The following KIAA1217 variants were observed in gnomAD, a reference collection of about 807,000 sequenced individuals.
KIAA1217 encodes the protein sickle tail protein homolog.
KIAA1217 carries 88 observed loss-of-function variants against 163.9 expected under a neutral mutation model. That is an observed-to-expected ratio of 0.54 (90% confidence interval 0.45 to 0.64). The LOEUF is 0.64. Ranked by LOEUF, KIAA1217 falls within the 30% of genes least tolerant of loss-of-function variation. KIAA1217 has a pLI of 0.00. For synonymous variants in KIAA1217, 903 were observed against 923.1 expected, an observed-to-expected ratio of 0.98 and a Z score of 0.39; for missense variants, 2,372 against 2,475.0, an observed-to-expected ratio of 0.96 and a Z score of 0.88.
chr10:24,121,920 G>A (rs2063296074), intron 2 of KIAA1217, among the ~76,000 whole-genome samples: 1 of 152,248 alleles, frequency 6.6e-6, no homozygotes, highest in East Asian at 1.9e-4. Context: ...GGGTATGGGG[G>A]TGGGTGTGTT....
intron 3 of KIAA1217, 37 bp downstream of exon 3, chr10:24,381,104 T>C: frequency 6.9e-7 from 1 of 1,453,578 alleles, no homozygotes; most frequent in Non-Finnish European, 9.2e-7. Context: ...GCCCCTTTCT[T>C]ACTGAATGCG....
chr10:23,870,537 G>A (rs1288738173), intron 1 of KIAA1217, among the ~76,000 whole-genome samples: 1 of 152,072 alleles, frequency 6.6e-6, no homozygotes, highest in Non-Finnish European at 1.5e-5. Context: ...AGCCAGGGTC[G>A]TGGGGACTTA....
At chr10:23,982,844 A>G (rs890510375) in intron 1 of KIAA1217, among the ~76,000 whole-genome samples, 6 of 152,078 alleles carry the variant, frequency 3.9e-5, no homozygotes, top group African/African-American at 1.4e-4. Flanking sequence ...GATTACAGGC[A>G]TGAGCCACAG....
chr10:24,409,563 A>G (rs924769637), intron 3 of KIAA1217, among the ~76,000 whole-genome samples: 21 of 152,204 alleles, frequency 1.4e-4, no homozygotes, highest in Non-Finnish European at 3.1e-4. Flanking sequence ...AAAACTTACC[A>G]AATTGTACAC....
intron 5 of KIAA1217, among the ~76,000 whole-genome samples, chr10:24,459,435 G>A (rs2132540940): frequency 6.6e-6 from 1 of 152,256 alleles, no homozygotes; most frequent in Non-Finnish European, 1.5e-5. Flanking sequence ...TCACGTACAT[G>A]CCTTATTTTT....
chr10:24,140,285 G>A (rs941623091), intron 2 of KIAA1217, among the ~76,000 whole-genome samples: 34 of 151,746 alleles, frequency 2.2e-4, no homozygotes, highest in Non-Finnish European at 4.1e-4. Flanking sequence ...GCATGAACCC[G>A]GGAGGCGGAG....
At chr10:23,974,781 A>C (rs77002065) in intron 1 of KIAA1217, among the ~76,000 whole-genome samples, 4,508 of 152,294 alleles carry the variant, frequency 0.03, 107 homozygotes, top group Middle Eastern at 0.075. Context: ...TATGTGAAAC[A>C]CCAAGTACGA....
At chr10:23,789,383 C>T (rs1369771638) in intron 1 of KIAA1217, among the ~76,000 whole-genome samples, 1 of 152,154 alleles carries the variant, frequency 6.6e-6, no homozygotes, top group Non-Finnish European at 1.5e-5. Context: ...ACATATCGTG[C>T]AGAATCTGCC....
intron 2 of KIAA1217, among the ~76,000 whole-genome samples, chr10:24,195,843 T>C (rs941897239): frequency 1.3e-5 from 2 of 152,150 alleles, no homozygotes; most frequent in African/African-American, 4.8e-5. Flanking sequence ...AAAAAATATG[T>C]ATTGGCTGGG....
intron 1 of KIAA1217, among the ~76,000 whole-genome samples, chr10:23,709,373 T>A (rs1231099638): frequency 6.6e-6 from 1 of 151,742 alleles, no homozygotes; most frequent in Non-Finnish European, 1.5e-5. Flanking sequence ...AATAGTTTTT[T>A]AAAAATTAGC....
At chr10:24,224,950 C>G (rs987613797) in intron 2 of KIAA1217, among the ~76,000 whole-genome samples, 3 of 151,668 alleles carry the variant, frequency 2.0e-5, no homozygotes, top group African/African-American at 7.3e-5. Flanking sequence ...CCTCAGCCTC[C>G]CGAGTAGCTG....
chr10:24,523,155 A>G (rs1240890970), intron 12 of KIAA1217, among the ~76,000 whole-genome samples: 1 of 152,030 alleles, frequency 6.6e-6, no homozygotes, highest in Non-Finnish European at 1.5e-5. Flanking sequence ...CCATCTCTAC[A>G]AAAAATTATT....
intron 2 of KIAA1217, among the ~76,000 whole-genome samples, chr10:24,078,902 T>C (rs970034275): frequency 2.6e-5 from 4 of 152,202 alleles, no homozygotes; most frequent in African/African-American, 9.7e-5. Flanking sequence ...CCAGCGCAAG[T>C]GGTTCTTACA....
intron 2 of KIAA1217, among the ~76,000 whole-genome samples, chr10:24,225,959 A>G (rs1223947158): frequency 6.6e-6 from 1 of 152,210 alleles, no homozygotes. Flanking sequence ...TTTCTAATAC[A>G]GTTAGAATGT....
intron 2 of KIAA1217, among the ~76,000 whole-genome samples, chr10:24,323,677 G>A (rs2044465810): frequency 6.6e-6 from 1 of 152,040 alleles, no homozygotes; most frequent in South Asian, 2.1e-4. Context: ...CAGCTGGGTA[G>A]GAAGGAAGAA....
intron 8 of KIAA1217, 41 bp downstream of exon 8, chr10:24,495,237 G>A (rs372226522): frequency 2.6e-6 from 4 of 1,541,762 alleles, no homozygotes; most frequent in South Asian, 1.2e-5. Flanking sequence ...CCTGTGGGCT[G>A]CCTGGGATGA....
intron 2 of KIAA1217, among the ~76,000 whole-genome samples, chr10:24,335,812 A>G (rs1008809064): frequency 2.6e-5 from 4 of 151,858 alleles, no homozygotes; most frequent in Non-Finnish European, 5.9e-5. Flanking sequence ...AGGTCTCCTA[A>G]TGTTGCCCAG....
At position 24,159,309 on chromosome 10, in the gene KIAA1217, A is replaced by T. The variant is rs370465388; in HGVS notation, c.-170-60317A>T. Among the ~76,000 whole-genome samples, 335 of 152,274 alleles carry T rather than the reference A, an allele frequency of 2.2e-3. 2 individuals carry two copies. The South Asian group carries it at 0.026, about 12-fold the overall frequency. ...CAGCATTCTTTTAAAAAAACCTACT[A>T]CTACAGTTTCTTCATAATAAACATT... On this transcript the variant is annotated intron_variant, in intron 2 of 18. Coordinates refer to the KIAA1217 transcript ENST00000376462.
intron 2 of KIAA1217, among the ~76,000 whole-genome samples, chr10:24,258,304 G>A (rs542792885): frequency 3.9e-5 from 6 of 152,204 alleles, no homozygotes; most frequent in Non-Finnish European, 7.4e-5. Flanking sequence ...AAACCCAAAC[G>A]CATAGATACA....
Sources: allele counts gnomAD v4.1 joint callset (sites outside exome capture counted in the v4.1 genomes callset), GRCh38; gene constraint gnomAD v4.1.1; transcripts MANE v1.5; gene names NCBI Gene and HGNC (gene_info 2026-07-23, HGNC 2026-07-21).